Variants in EVA1C observed in about 807,000 individuals in gnomAD.
EVA1C encodes eva-1 homolog C.
In EVA1C, 25 loss-of-function variants were observed where a neutral mutation model predicts 45.4. The ratio of observed to expected loss-of-function variants is 0.55; its 90% CI spans 0.40 to 0.77. The LOEUF (loss-of-function observed/expected upper bound fraction) is 0.77. EVA1C is among the 30% of genes least tolerant of loss of function. The probability of loss-of-function intolerance (pLI) is 0.00; values close to 1 mark genes in which losing one functional copy is unlikely to be tolerated. For synonymous variants in EVA1C, 190 were observed against 221.2 expected, an observed-to-expected ratio of 0.86 and a Z score of 1.25; for missense variants, 479 against 554.8, an observed-to-expected ratio of 0.86 and a Z score of 1.37.
At chr21:32,413,041 C>T in intron 1 of EVA1C, 28 bp downstream of exon 1, 1 of 1,354,846 alleles carries the variant, frequency 7.4e-7, no homozygotes, top group Non-Finnish European at 9.6e-7. Context: ...GGCTGTGTGC[C>T]CCCGGCACCG....
intron 4 of EVA1C, among the ~76,000 whole-genome samples, chr21:32,482,007 C>T (rs900129505): frequency 1.3e-5 from 2 of 152,172 alleles, no homozygotes; most frequent in East Asian, 1.9e-4. Context: ...TCCTACCTGA[C>T]GTTAGGTGCC....
At chr21:32,507,478 G>A (rs1299865108) in intron 7 of EVA1C, among the ~76,000 whole-genome samples, 1 of 151,490 alleles carries the variant, frequency 6.6e-6, no homozygotes, top group Non-Finnish European at 1.5e-5. Flanking sequence ...GTGTGCATGT[G>A]TGTATGCGTC....
At chr21:32,485,885 GT>G (rs1291445061) in intron 4 of EVA1C, among the ~76,000 whole-genome samples, 7 of 152,188 alleles carry the variant, frequency 4.6e-5, no homozygotes, top group African/African-American at 1.7e-4. Context: ...CCCAGTAAAG[GT>G]TTATTTCTTG....
intron 1 of EVA1C, among the ~76,000 whole-genome samples, chr21:32,430,972 C>A (rs866448880): frequency 4.9e-4 from 51 of 103,096 alleles, no homozygotes; most frequent in African/African-American, 1.1e-3. Context: ...GACTTGGTCT[C>A]AAAAAAAAAA....
chr21:32,490,864 C>T (rs2037130045), intron 4 of EVA1C, among the ~76,000 whole-genome samples: 1 of 152,210 alleles, frequency 6.6e-6, no homozygotes, highest in African/African-American at 2.4e-5. Flanking sequence ...AGCAAAGGCA[C>T]CAGGAGTAGG....
chr21:32,486,229 T>C (rs1440819676), intron 4 of EVA1C, among the ~76,000 whole-genome samples: 1 of 152,222 alleles, frequency 6.6e-6, no homozygotes, highest in South Asian at 2.1e-4. Flanking sequence ...GTTCAAGCGA[T>C]TCTCCTGCCT....
chr21:32,443,816 C>T (rs556518176), intron 1 of EVA1C, among the ~76,000 whole-genome samples: 2 of 152,246 alleles, frequency 1.3e-5, no homozygotes, highest in East Asian at 3.9e-4. Flanking sequence ...CCTTGCACAT[C>T]CAGTGAACCA....
chr21:32,475,901 A>G (rs1568924564), intron 4 of EVA1C, among the ~76,000 whole-genome samples: 2 of 150,074 alleles, frequency 1.3e-5, no homozygotes, highest in African/African-American at 4.9e-5. Flanking sequence ...CTATCTATCT[A>G]TCTATCTATC....
intron 2 of EVA1C, among the ~76,000 whole-genome samples, chr21:32,454,164 G>C (rs1160973093): frequency 2.0e-5 from 3 of 152,226 alleles, no homozygotes; most frequent in African/African-American, 7.2e-5. Flanking sequence ...AGGAGGCGGA[G>C]GTTGCAGTAA....
chr21:32,480,823 C>T (rs1370865216), intron 4 of EVA1C, among the ~76,000 whole-genome samples: 1 of 151,932 alleles, frequency 6.6e-6, no homozygotes, highest in African/African-American at 2.4e-5. Context: ...ATTAGCTGGT[C>T]ATGGTGGCAG....
intron 3 of EVA1C, 76 bp downstream of exon 3, chr21:32,457,796 T>C: frequency 1.3e-6 from 2 of 1,561,872 alleles, no homozygotes; most frequent in South Asian, 1.1e-5. Context: ...CAAAATTCTC[T>C]GCCCGTTGGC....
intron 4 of EVA1C, among the ~76,000 whole-genome samples, chr21:32,472,303 C>T (rs999297094): frequency 6.6e-6 from 1 of 152,106 alleles, no homozygotes; most frequent in Non-Finnish European, 1.5e-5. Context: ...GGACTACAGG[C>T]ATGTGCCACC....
intron 1 of EVA1C, among the ~76,000 whole-genome samples, chr21:32,429,643 T>G (rs979019740): frequency 6.6e-6 from 1 of 152,168 alleles, no homozygotes; most frequent in Non-Finnish European, 1.5e-5. Context: ...TATGAGTCAC[T>G]ACACCTGGCC....
chr21:32,449,464 C>G (rs1294654383), intron 1 of EVA1C, among the ~76,000 whole-genome samples: 1 of 152,208 alleles, frequency 6.6e-6, no homozygotes, highest in African/African-American at 2.4e-5. Context: ...TGGAATCAGA[C>G]AGTACACAGC....
intron 1 of EVA1C, among the ~76,000 whole-genome samples, chr21:32,439,317 A>G (rs1239442763): frequency 6.6e-6 from 1 of 151,894 alleles, no homozygotes; most frequent in Non-Finnish European, 1.5e-5. Context: ...AAGGGTCCAC[A>G]GGACAATTAA....
chr21:32,515,053 T>C lies in EVA1C; in HGVS notation c.1189T>C (p.Ser397Pro). 6.2e-7 allele frequency: 1 copy of C among 1,614,128 alleles called. No homozygotes were observed. Among genetic ancestry groups the C allele is most frequent in the Non-Finnish European group, 8.5e-7 (1 of 1,180,014 alleles). ...GGAACTGTCGGGGTTCTGTAGGACT[T>C]CATATCCTATATACAGTTCCATAGA... ...PGELSGFCRT[S>P]YPIYSSIEAA... Residue 397 changes from serine (S) to proline (P), a missense_variant, in exon 8 of 8, where the codon TCA (serine) becomes CCA (proline). This residue lies in a region of EVA1C where 366 missense variants were observed against 426.1 expected (regional missense o/e 0.86). Coordinates refer to ENST00000300255, the MANE Select transcript of EVA1C (RefSeq NM_058187.5).
intron 1 of EVA1C, among the ~76,000 whole-genome samples, chr21:32,433,881 A>G (rs369034211): frequency 7.0e-5 from 3 of 42,842 alleles, no homozygotes; most frequent in South Asian, 8.5e-4. Flanking sequence ...GAAATTGGCC[A>G]GGTGCAGTGG....
intron 6 of EVA1C, among the ~76,000 whole-genome samples, chr21:32,503,456 G>T (rs569591118): frequency 1.2e-4 from 18 of 152,288 alleles, no homozygotes; most frequent in African/African-American, 4.1e-4. Flanking sequence ...TGAGGCAGGA[G>T]AATTGCTTGA....
chr21:32,439,229 G>T (rs1475885077), intron 1 of EVA1C, among the ~76,000 whole-genome samples: 5 of 45,928 alleles, frequency 1.1e-4, no homozygotes, highest in South Asian at 7.2e-4. Flanking sequence ...AACAGAGCAA[G>T]ACTACATCTC....
Sources: gnomAD v4.1 joint callset for allele counts (sites outside exome capture counted in the v4.1 genomes callset) on GRCh38, gnomAD v4.1.1 for gene constraint, gnomAD v4.1.1 regional missense constraint, MANE v1.5 for transcripts, NCBI Gene and HGNC (gene_info 2026-07-23, HGNC 2026-07-21) for gene names.